The following CBX7 variants were observed in gnomAD, a reference collection of about 807,000 sequenced individuals.
CBX7 encodes the protein chromobox protein homolog 7.
CBX7 carries 14 observed loss-of-function variants against 31.4 expected under a neutral mutation model. The ratio of observed to expected loss-of-function variants is 0.45; its 90% CI spans 0.29 to 0.70. The LOEUF is 0.70. Ranked by LOEUF, CBX7 falls within the 30% of genes least tolerant of loss-of-function variation. The probability of loss-of-function intolerance (pLI) is 0.11; values close to 1 mark genes in which losing one functional copy is unlikely to be tolerated. For missense variants in CBX7, 269 were observed against 351.9 expected, an observed-to-expected ratio of 0.76 and a Z score of 1.89; for synonymous variants, 159 against 152.6, an observed-to-expected ratio of 1.04 and a Z score of -0.31.
chr22:39,145,775 C>A (rs1279746503), intron 2 of CBX7, among the ~76,000 whole-genome samples: 1 of 151,222 alleles, frequency 6.6e-6, no homozygotes, highest in Admixed American at 6.6e-5. Context: ...GAGATAAACA[C>A]GGCCACGTGA....
chr22:39,149,866 C>T (rs748038323), intron 1 of CBX7, 34 bp from the exon 2 acceptor site: 10 of 1,598,496 alleles, frequency 6.3e-6, no homozygotes, highest in South Asian at 5.5e-5. Context: ...CAGTGAGTCT[C>T]GTGGTTGCCC....
Position 39,151,363 on chromosome 22 carries a change from T to C in CBX7, c.69+1013A>G, listed in dbSNP as rs148215693. 6.3e-3 allele frequency among the ~76,000 whole-genome samples: 953 copies of C among 152,212 alleles called. 8 individuals carry two copies. Among genetic ancestry groups the C allele is most frequent in the Non-Finnish European group, 1.0e-2 (678 of 67,990 alleles). ...TTGGCCCGAGATGCCAGGACTGAGT[T>C]TTCTCTATGGAGAAAGAAGATGGGC... On this transcript the variant is annotated intron_variant, in intron 1 of 5. Transcript: ENST00000216133.
chr22:39,133,780 C>T lies in CBX7; in HGVS notation c.*111G>A, dbSNP rs1305793767. 6.5e-6 allele frequency: 7 copies of T among 1,081,522 alleles called. No homozygotes were observed. The highest frequency in any genetic ancestry group is 2.9e-5 in the East Asian group (1 of 34,504). The allele number at this position is 1,081,522 out of a possible 1,614,324, so 67.0% of individuals were successfully genotyped here. A position where few individuals can be genotyped will look rare whatever the true frequency, so the allele number is the denominator to read the frequency against. ...AGTGGGATCTTCTCCCCTTTTGCTGCTCGGTATTTTTTTAAATAAAATAAT... is the reference window on the plus strand; with the variant it reads ...AGTGGGATCTTCTCCCCTTTTGCTGTTCGGTATTTTTTTAAATAAAATAAT... On this transcript the variant is annotated 3_prime_UTR_variant, in exon 6 of 6. Coordinates refer to ENST00000216133, the MANE Select transcript of CBX7 (RefSeq NM_175709.5).
intron 5 of CBX7, 121 bp downstream of exon 5, chr22:39,134,280 G>T: frequency 1.0e-6 from 1 of 959,254 alleles, no homozygotes; most frequent in African/African-American, 1.6e-5. Flanking sequence ...TGGGCCCTGA[G>T]CCCAGACCCG....
rs1238050731 is a variant in CBX7 at position 39,152,543 on chromosome 22, C to A, written c.-99G>T. On this transcript the variant is annotated 5_prime_UTR_variant, in exon 1 of 6. Coordinates refer to ENST00000216133, the MANE Select transcript of CBX7 (RefSeq NM_175709.5). This position sits in a 1 kb window ranked among gnomAD's most constrained non-coding sequence, Gnocchi z 4.9. ...GCGATGCTGGGGCTGGCGGGGTCCC[C>A]GTCACCCTCGTCCGGGCGCGCACGC... 7 of 421,006 alleles carry A rather than the reference C, an allele frequency of 1.7e-5. No homozygotes were observed. Among genetic ancestry groups the A allele is most frequent in the African/African-American group, 1.1e-4 (5 of 46,152 alleles). 26.1% of individuals were successfully genotyped at this position (421,006 alleles called of 1,614,324 possible).
intron 2 of CBX7, among the ~76,000 whole-genome samples, chr22:39,145,747 A>C (rs1930634358): frequency 2.8e-5 from 4 of 144,246 alleles, no homozygotes; most frequent in South Asian, 2.5e-4. Flanking sequence ...GGGGACAGGG[A>C]CGGCGCGCGC....
At chr22:39,150,680 G>A (rs897408333) in intron 1 of CBX7, among the ~76,000 whole-genome samples, 1 of 152,180 alleles carries the variant, frequency 6.6e-6, no homozygotes, top group Admixed American at 6.5e-5. Flanking sequence ...TGAGGCAGGA[G>A]GATCGTTTGA....
In CBX7 at chr22:39,152,209, C is replaced by T. The variant is rs1037792272; in HGVS notation, c.69+167G>A. Among the ~76,000 whole-genome samples, 36 of 152,208 alleles carry T rather than the reference C, an allele frequency of 2.4e-4. No homozygotes were observed. The highest frequency in any genetic ancestry group is 7.2e-4 in the African/African-American group (30 of 41,562). Reference sequence around the variant, plus strand: ...CAACTTTTGTTCTACTCGCCCTACACGGTGGCAGGGAAACTGAGGCACGGG... The same window carrying T: ...CAACTTTTGTTCTACTCGCCCTACATGGTGGCAGGGAAACTGAGGCACGGG... On this transcript the variant is annotated intron_variant, in intron 1 of 5. Transcript: ENST00000216133. The surrounding 1 kb of genome is among the most constrained non-coding windows in gnomAD (Gnocchi z 4.9).
chr22:39,148,458 CGA>C (rs994322627), intron 2 of CBX7: 4 of 152,438 alleles, frequency 2.6e-5, no homozygotes, highest in East Asian at 1.9e-4. Context: ...TGGTGCGAAG[CGA>C]GAGAGGCAGG....
At chr22:39,141,575 C>A (rs1930458416) in intron 2 of CBX7, 139 bp from the exon 3 acceptor site, 17 of 591,976 alleles carry the variant, frequency 2.9e-5, no homozygotes, top group Middle Eastern at 7.4e-4. Context: ...ATGGCAAAAC[C>A]CCATCTCTAC....
intron 4 of CBX7, 107 bp downstream of exon 4, chr22:39,138,529 G>A (rs773479746): frequency 1.6e-5 from 17 of 1,049,802 alleles, no homozygotes; most frequent in South Asian, 2.5e-5. Context: ...TGGTACAGGC[G>A]AGGGGACACA....
Position 39,134,058 on chromosome 22 carries a change from C to CA in CBX7, c.599-11dup. 5 of 1,585,790 alleles carry CA rather than the reference C, an allele frequency of 3.2e-6. No individual in the cohort carries two copies. Among genetic ancestry groups the CA allele is most frequent in the Non-Finnish European group, 4.3e-6 (5 of 1,162,286 alleles). ...GCCAGGTCGGCATCTGCTGCAGCGTCAGACACACAGATGGGGGCAGCGTTG... is the reference window on the plus strand; with the variant it reads ...GCCAGGTCGGCATCTGCTGCAGCGTCAAGACACACAGATGGGGGCAGCGTTG... On this transcript the variant is annotated splice_polypyrimidine_tract_variant and intron_variant, in intron 5 of 5. Transcript: ENST00000216133.
At position 39,134,022 on chromosome 22, in the gene CBX7, G is replaced by C. The variant is rs767832107; in HGVS notation, c.625C>G (p.Pro209Ala). ...GAGGGGAGCGCAGGTGTCCAGGGAG[G>C]GGGCCCCTCGGCCAGGTCGGCATCT... is the stretch of plus-strand genomic sequence containing the variant. ...EADADLAEGP[P>A]PWTPALPSSE... Residue 209 changes from proline to alanine, a missense_variant, in exon 6 of 6, where the codon CCT (proline) becomes GCT (alanine). Pro to Ala is a conservative substitution (Grantham distance 27). This residue lies in a region of CBX7 where 222 missense variants were observed against 240.4 expected (regional missense o/e 0.92). Transcript: ENST00000216133. The C allele has an allele frequency of 6.2e-7, 1 of 1,606,714 alleles. No individual in the cohort carries two copies. The highest frequency in any genetic ancestry group is 8.5e-7 in the Non-Finnish European group (1 of 1,175,278).
chr22:39,141,808 G>A (rs1304475882), intron 2 of CBX7, among the ~76,000 whole-genome samples: 2 of 151,728 alleles, frequency 1.3e-5, no homozygotes, highest in African/African-American at 4.8e-5. Context: ...AGAGGCCACT[G>A]CTGCTGACCC....
At chr22:39,145,128 G>T (rs1307894620) in intron 2 of CBX7, among the ~76,000 whole-genome samples, 1 of 152,188 alleles carries the variant, frequency 6.6e-6, no homozygotes, top group Non-Finnish European at 1.5e-5. Flanking sequence ...CGAAAGGCTC[G>T]GCTGGATGCA....
intron 2 of CBX7, among the ~76,000 whole-genome samples, chr22:39,145,733 G>C (rs1930633310): frequency 6.6e-6 from 1 of 150,930 alleles, no homozygotes; most frequent in Admixed American, 6.6e-5. Flanking sequence ...GCGGGGGCGG[G>C]GGCGGGGACA....
intron 2 of CBX7, among the ~76,000 whole-genome samples, chr22:39,145,551 C>A (rs893630213): frequency 1.3e-5 from 2 of 152,032 alleles, no homozygotes; most frequent in African/African-American, 2.4e-5. Context: ...CTGCGCGGAC[C>A]GCGGCGTGGA....
rs750002955 is a variant in CBX7, at chr22:39,152,452, G to T, written c.-8C>A. The T allele has an allele frequency of 1.3e-5, 15 of 1,194,600 alleles. No homozygotes were observed. The highest frequency in any genetic ancestry group is 1.5e-5 in the Non-Finnish European group (14 of 956,642). 74.0% of individuals were successfully genotyped at this position (1,194,600 alleles called of 1,614,324 possible). A position where few individuals can be genotyped will look rare whatever the true frequency, so the allele number is the denominator to read the frequency against. The stretch of plus-strand genomic sequence containing the variant: ...GATGGCTGACAGCTCCATGCGGGGC[G>T]GCGGGCGAGCGGGCCCGGGGCCGGG... On this transcript the variant is annotated 5_prime_UTR_variant, in exon 1 of 6. Coordinates refer to ENST00000216133, the MANE Select transcript of CBX7 (RefSeq NM_175709.5). The surrounding 1 kb of genome is among the most constrained non-coding windows in gnomAD (Gnocchi z 4.9).
chr22:39,140,740 C>T (rs6001452), intron 3 of CBX7, among the ~76,000 whole-genome samples: 3,168 of 151,460 alleles, frequency 0.021, 117 homozygotes, highest in African/African-American at 0.073. Flanking sequence ...GTGGGGGGGG[C>T]GGCCAGAGAG....
Sources: allele counts gnomAD v4.1 joint callset (sites outside exome capture counted in the v4.1 genomes callset), GRCh38; gene constraint gnomAD v4.1.1; regional missense constraint gnomAD v4.1.1; non-coding constraint Gnocchi (gnomAD v3.1); transcripts MANE v1.5; gene names NCBI Gene and HGNC (gene_info 2026-07-23, HGNC 2026-07-21).